Variants in SMAD2 observed in about 807,000 individuals in gnomAD.
The protein encoded by SMAD2 is SMAD family member 2, also known as MAD homolog 2.
A neutral mutation model predicts 64.4 loss-of-function variants in SMAD2; 8 were observed. The observed-to-expected ratio is 0.12, with a 90% CI of 0.07 to 0.22. SMAD2 has a LOEUF of 0.22. Ranked by LOEUF, SMAD2 falls within the 10% of genes least tolerant of loss-of-function variation. SMAD2 has a pLI of 1.00. For synonymous variants in SMAD2, 203 were observed against 195.8 expected (o/e 1.04, Z -0.31); for missense variants, 289 against 561.2 (o/e 0.51, Z 4.90).
intron 10 of SMAD2, among the ~76,000 whole-genome samples, chr18:47,842,518 G>A (rs753038782): frequency 2.8e-4 from 43 of 152,132 alleles, no homozygotes; most frequent in Non-Finnish European, 1.3e-4. Flanking sequence ...CTAGCCTGGC[G>A]ACAGAGTGAG....
rs2144299422 is a variant in SMAD2 at position 47,848,489 on chromosome 18, G to A, written c.983C>T (p.Thr328Ile). Residue 328 changes from threonine (T) to isoleucine (I), a missense_variant, in exon 8 of 11, where the codon ACA (threonine) becomes ATA (isoleucine). Coordinates refer to ENST00000262160, the MANE Select transcript of SMAD2 (RefSeq NM_005901.6). ...NVNRNATVEM[T>I]RRHIGRGVRL... The stretch of plus-strand genomic sequence containing the variant: ...ATAAAACATACCTATATGCCTTCTT[G>A]TCATTTCTACCGTGGCATTTCGGTT... The A allele has an allele frequency of 1.9e-6, 3 of 1,611,908 alleles. No individual in the cohort carries two copies. Among genetic ancestry groups the A allele is most frequent in the Non-Finnish European group, 1.7e-6 (2 of 1,178,034 alleles).
intron 1 of SMAD2, among the ~76,000 whole-genome samples, chr18:47,917,956 G>A (rs1169696927): frequency 6.6e-6 from 1 of 152,130 alleles, no homozygotes; most frequent in African/African-American, 2.4e-5. Flanking sequence ...AGCAGTAATT[G>A]AACAGATCAG....
intron 1 of SMAD2, chr18:47,922,507 AAAG>A (rs752708580): frequency 6.6e-6 from 1 of 152,240 alleles, no homozygotes; most frequent in Non-Finnish European, 1.5e-5. Context: ...GAGAGGATTT[AAAG>A]AATAACAATA....
In SMAD2 at chr18:47,830,219, T is replaced by A. The variant is rs1339804685; in HGVS notation, c.*11608A>T. 1 of 152,148 alleles carries A rather than the reference T, an allele frequency of 6.6e-6. No homozygotes were observed. The highest frequency in any genetic ancestry group is 2.4e-5 in the African/African-American group (1 of 41,420). 9.4% of individuals were successfully genotyped at this position (152,148 alleles called of 1,614,324 possible). On this transcript the variant is annotated 3_prime_UTR_variant, in exon 11 of 11. Transcript: ENST00000262160. ...CAGACACTAATAAGTTTTTTTTCAA[T>A]ATAAAAGAGCAACCTAGACATTCCT...
At chr18:47,907,974 C>T (rs2033973616) in intron 1 of SMAD2, among the ~76,000 whole-genome samples, 1 of 152,188 alleles carries the variant, frequency 6.6e-6, no homozygotes, top group Non-Finnish European at 1.5e-5. Flanking sequence ...GAAGTCTGTG[C>T]ATTTTAGCAA....
Position 47,816,162 on chromosome 18 carries a change from GACA to G in SMAD2, c.*25662_*25664del, listed in dbSNP as rs1209603246. On this transcript the variant is annotated 3_prime_UTR_variant, in exon 11 of 11. Coordinates refer to ENST00000262160, the MANE Select transcript of SMAD2 (RefSeq NM_005901.6). ...TAGCTCCCATGCCACATTTAGTCAAGACAACAATAACAAAAGGCTTTCTTCAGG... is the reference window on the plus strand; with the variant it reads ...TAGCTCCCATGCCACATTTAGTCAAGACAATAACAAAAGGCTTTCTTCAGG... 3 of 152,142 alleles carry G rather than the reference GACA, an allele frequency of 2.0e-5. No homozygotes were observed. The highest frequency in any genetic ancestry group is 3.2e-3 in the Middle Eastern group (1 of 316). The allele number at this position is 152,142 out of a possible 1,614,324, so 9.4% of individuals were successfully genotyped here. A position where few individuals can be genotyped will look rare whatever the true frequency, so the allele number is the denominator to read the frequency against.
At chr18:47,900,394 T>G (rs12458238) in intron 1 of SMAD2, among the ~76,000 whole-genome samples, 66,203 of 151,868 alleles carry the variant, frequency 0.44, 15,433 homozygotes, top group East Asian at 0.59. Context: ...CTATCCCATA[T>G]TCTCCATAAA....
chr18:47,859,785 CAA>C (rs1453947949), intron 6 of SMAD2, among the ~76,000 whole-genome samples: 2 of 151,988 alleles, frequency 1.3e-5, no homozygotes, highest in Non-Finnish European at 2.9e-5. Context: ...AGAAAAGAGA[CAA>C]AGACAACAAA....
At chr18:47,924,729 C>T (rs1379568081) in intron 1 of SMAD2, among the ~76,000 whole-genome samples, 1 of 152,200 alleles carries the variant, frequency 6.6e-6, no homozygotes, top group Non-Finnish European at 1.5e-5. Context: ...TCCCAAAGTG[C>T]TGGGATTACA....
chr18:47,856,854 ATTT>A (rs758202544), intron 6 of SMAD2, among the ~76,000 whole-genome samples: 2 of 123,282 alleles, frequency 1.6e-5, no homozygotes. Flanking sequence ...AACTATGCTA[ATTT>A]TTTTTTTTTT....
At chr18:47,888,606 G>GACTAAACCA (rs1349196618) in intron 2 of SMAD2, among the ~76,000 whole-genome samples, 2 of 152,192 alleles carry the variant, frequency 1.3e-5, no homozygotes, top group Non-Finnish European at 2.9e-5. Flanking sequence ...TCCAGTGGCA[G>GACTAAACCA]ACTAAACCAA....
intron 2 of SMAD2, among the ~76,000 whole-genome samples, chr18:47,883,269 A>G (rs964576989): frequency 1.3e-5 from 2 of 152,196 alleles, no homozygotes; most frequent in African/African-American, 4.8e-5. Flanking sequence ...TGAATAACCC[A>G]TAAGTCAGAA....
chr18:47,901,893 C>T (rs185843100), intron 1 of SMAD2, among the ~76,000 whole-genome samples: 8 of 152,258 alleles, frequency 5.3e-5, no homozygotes, highest in East Asian at 1.9e-4. Context: ...CAAATGTCTA[C>T]GGGGGAAGAA....
At chr18:47,879,351 C>T (rs948767986) in intron 2 of SMAD2, among the ~76,000 whole-genome samples, 1 of 152,170 alleles carries the variant, frequency 6.6e-6, no homozygotes, top group African/African-American at 2.4e-5. Flanking sequence ...CGCTCATCCC[C>T]AGAGGCAACC....
At chr18:47,865,300 T>C (rs2031476107) in intron 5 of SMAD2, among the ~76,000 whole-genome samples, 167 bp from the exon 6 acceptor site, 1 of 152,162 alleles carries the variant, frequency 6.6e-6, no homozygotes, top group African/African-American at 2.4e-5. Flanking sequence ...CAGGATCTTG[T>C]CCAAATTTTG....
At chr18:47,876,761 CTG>C (rs779002228) in intron 2 of SMAD2, among the ~76,000 whole-genome samples, 3 of 151,950 alleles carry the variant, frequency 2.0e-5, no homozygotes, top group Non-Finnish European at 4.4e-5. Context: ...CTTTTGAAAA[CTG>C]AAATTAAAAT....
intron 1 of SMAD2, among the ~76,000 whole-genome samples, chr18:47,918,001 T>C (rs1449229500): frequency 6.6e-6 from 1 of 152,190 alleles, no homozygotes; most frequent in East Asian, 1.9e-4. Flanking sequence ...TAGGAAAAGC[T>C]GAAAACCATT....
intron 2 of SMAD2, among the ~76,000 whole-genome samples, chr18:47,876,251 T>C (rs1030120076): frequency 6.6e-6 from 1 of 152,040 alleles, no homozygotes; most frequent in Admixed American, 6.6e-5. Flanking sequence ...CTCTCATGTA[T>C]TGAAAAATAT....
At chr18:47,908,536 C>T (rs758158060) in intron 1 of SMAD2, among the ~76,000 whole-genome samples, 26 of 152,034 alleles carry the variant, frequency 1.7e-4, no homozygotes, top group Non-Finnish European at 3.4e-4. Flanking sequence ...CTATCATTTA[C>T]CATCATGAAA....
Sources: gnomAD v4.1 joint callset for allele counts (sites outside exome capture counted in the v4.1 genomes callset) on GRCh38, gnomAD v4.1.1 for gene constraint, MANE v1.5 for transcripts, NCBI Gene and HGNC (gene_info 2026-07-23, HGNC 2026-07-21) for gene names.